The following MGAT5B variants were observed in gnomAD, a reference collection of about 807,000 sequenced individuals.
MGAT5B encodes N-acetylglucosaminyl-transferase Vb.
Under a neutral mutation model 95.1 loss-of-function variants are expected in MGAT5B, and 54 were observed. The ratio of observed to expected loss-of-function variants is 0.57; its 90% CI spans 0.46 to 0.71. The LOEUF is 0.71. Among genes scored for constraint, MGAT5B ranks in the 30% least tolerant of loss-of-function variants. The pLI, the probability that MGAT5B is intolerant of heterozygous loss-of-function variation, is 0.00. For synonymous variants in MGAT5B, 464 were observed against 451.0 expected (o/e 1.03, Z -0.36); for missense variants, 935 against 1,088.6 (o/e 0.86, Z 1.99).
At chr17:76,927,557 A>T (rs1470986880) in intron 10 of MGAT5B, among the ~76,000 whole-genome samples, 1 of 152,154 alleles carries the variant, frequency 6.6e-6, no homozygotes. Flanking sequence ...GTTTTTAATG[A>T]TACTCTAAAA....
At chr17:76,874,308 G>T (rs923137132) in intron 2 of MGAT5B, among the ~76,000 whole-genome samples, 1 of 152,074 alleles carries the variant, frequency 6.6e-6, no homozygotes, top group Non-Finnish European at 1.5e-5. Flanking sequence ...TGGATGTGTC[G>T]AGTCTGAAAT....
intron 9 of MGAT5B, among the ~76,000 whole-genome samples, chr17:76,925,703 A>G (rs1969291256): frequency 1.3e-5 from 2 of 152,106 alleles, no homozygotes; most frequent in Non-Finnish European, 2.9e-5. Flanking sequence ...TTCTCTATGC[A>G]CTCGGCTCTC....
chr17:76,901,597 G>A (rs2145183181), intron 3 of MGAT5B, among the ~76,000 whole-genome samples: 1 of 152,298 alleles, frequency 6.6e-6, no homozygotes, highest in Non-Finnish European at 1.5e-5. Context: ...AAAAATAAAA[G>A]CAACACTGGT....
intron 9 of MGAT5B, among the ~76,000 whole-genome samples, chr17:76,926,062 A>G (rs7213744): frequency 0.71 from 107,472 of 152,106 alleles, 38,740 homozygotes; most frequent in East Asian, 0.78. Flanking sequence ...GTCCAGCCCT[A>G]CTGGGACCAG....
At position 76,880,753 on chromosome 17, in the gene MGAT5B, G is replaced by A. The variant is rs982755316; in HGVS notation, c.182-1398G>A. Among the ~76,000 whole-genome samples the A allele has an allele frequency of 8.5e-5, 13 of 152,176 alleles. No individual in the cohort carries two copies. The South Asian group carries it at 1.7e-3, about 19-fold the overall frequency. On this transcript the variant is annotated intron_variant, in intron 2 of 17. Transcript: ENST00000569840. ...GGGGAGACTGCAGTGTGTTCTACAT[G>A]GTCTCAGGGCTCCCCAGCAGGGCTA...
At position 76,940,513 on chromosome 17, in the gene MGAT5B, C is replaced by G; in HGVS notation, c.1696C>G (p.His566Asp). Residue 566 changes from histidine to aspartate, a missense_variant, in exon 14 of 18, where the codon CAC becomes GAC. His to Asp is a moderately conservative substitution (Grantham distance 81). Coordinates refer to ENST00000569840, the MANE Select transcript of MGAT5B (RefSeq NM_001199172.2). This position sits in a 1 kb window ranked among gnomAD's most constrained non-coding sequence, Gnocchi z 4.3. ...CAGCCCGCCCCACAGCTCCCTCAAC[C>G]ACGAGTTCTTCCGAGGCAAGCCCAC... ...RFSPPHSSLN[H>D]EFFRGKPTSR... The G allele has an allele frequency of 6.2e-7, 1 of 1,613,646 alleles. No homozygotes were observed.
Position 76,948,632 on chromosome 17 carries a change from C to A in MGAT5B, c.2181-8C>A, listed in dbSNP as rs57502449. On this transcript the variant is annotated splice_region_variant and splice_polypyrimidine_tract_variant and intron_variant, in intron 17 of 17. Coordinates refer to ENST00000569840, the MANE Select transcript of MGAT5B (RefSeq NM_001199172.2). ...CGCTGAGTGACGGTGCTGTGTGGTC[C>A]CTGCCAGGCTGCAGGTGCCCTGTGA... is the stretch of plus-strand genomic sequence containing the variant. The A allele has an allele frequency of 5.0e-6, 8 of 1,607,598 alleles. No homozygotes were observed. The African/African-American group carries it at 9.3e-5, about 19-fold the overall frequency.
intron 2 of MGAT5B, among the ~76,000 whole-genome samples, chr17:76,874,372 T>C (rs79834392): frequency 1.3e-5 from 2 of 150,590 alleles, no homozygotes; most frequent in East Asian, 3.9e-4. Flanking sequence ...GGTGCTGGAG[T>C]GTCTGTGTGG....
At position 76,933,294 on chromosome 17, in the gene MGAT5B, C is replaced by G; in HGVS notation, c.1425C>G (p.Leu475=). The change falls in exon 12 of 18, where the codon CTC becomes CTG. Residue 475 remains leucine, a splice_region_variant and synonymous_variant. Coordinates refer to ENST00000569840, the MANE Select transcript of MGAT5B (RefSeq NM_001199172.2). ...TGCTCCCCCTGGCCACGAGGCAGCT[C>G]CAGGTATGGAAACCGCTTGCCGCCT... is the stretch of plus-strand genomic sequence containing the variant. The part of the protein sequence containing the change: ...VYGKEASIWK[L]QGKEKFLGIL... 1 of 1,598,336 alleles carries G rather than the reference C, an allele frequency of 6.3e-7. No homozygotes were observed. The highest frequency in any genetic ancestry group is 8.5e-7 in the Non-Finnish European group (1 of 1,179,752).
chr17:76,901,235 T>C (rs928303332), intron 3 of MGAT5B, among the ~76,000 whole-genome samples: 1 of 151,984 alleles, frequency 6.6e-6, no homozygotes, highest in Non-Finnish European at 1.5e-5. Context: ...GGAGGAGAGG[T>C]GGGGTTTGCA....
chr17:76,876,520 A>G (rs1249531132), intron 2 of MGAT5B, among the ~76,000 whole-genome samples: 3 of 152,094 alleles, frequency 2.0e-5, no homozygotes, highest in Non-Finnish European at 2.9e-5. Context: ...GGGAAAAACA[A>G]TCTCTCCTCC....
At position 76,902,711 on chromosome 17, in the gene MGAT5B, G is replaced by A. The variant is rs752136924; in HGVS notation, c.445+41G>A. On this transcript the variant is annotated intron_variant, in intron 4 of 17. Coordinates refer to ENST00000569840, the MANE Select transcript of MGAT5B (RefSeq NM_001199172.2). ...CGGGGGTACCCTCTACCCCTAGGGG[G>A]CCAATGAACTGGGTGCTGGGTGGGC... 8 of 1,158,446 alleles carry A rather than the reference G, an allele frequency of 6.9e-6. No individual in the cohort carries two copies. In the South Asian group the frequency reaches 1.0e-4, roughly 15 times the overall value. 71.8% of individuals were successfully genotyped at this position (1,158,446 alleles called of 1,614,324 possible). A position where few individuals can be genotyped will look rare whatever the true frequency, so the allele number is the denominator to read the frequency against.
Position 76,906,293 on chromosome 17 carries a change from G to C in MGAT5B, c.1025+106G>C. ...TGTGGGAGCACCTGCTCTGCCTGCA[G>C]GTCCCACGGCCCTGAGACCCTGGGA... On this transcript the variant is annotated intron_variant, in intron 8 of 17. Coordinates refer to ENST00000569840, the MANE Select transcript of MGAT5B (RefSeq NM_001199172.2). This position sits in a 1 kb window ranked among gnomAD's most constrained non-coding sequence, Gnocchi z 4.6. 2.6e-6 allele frequency: 3 copies of C among 1,141,356 alleles called. No individual in the cohort carries two copies. The highest frequency in any genetic ancestry group is 3.6e-6 in the Non-Finnish European group (3 of 826,738). 70.7% of individuals were successfully genotyped at this position (1,141,356 alleles called of 1,614,324 possible).
At position 76,897,705 on chromosome 17, in the gene MGAT5B, CTTTCTTTCTTTCTTTCTTTCTTTT is replaced by C. The variant is rs1205761682; in HGVS notation, c.330-4848_330-4825del. Among the ~76,000 whole-genome samples the C allele has an allele frequency of 2.7e-4, 26 of 96,192 alleles. 1 individual carries two copies. Among genetic ancestry groups the C allele is most frequent in the African/African-American group, 1.4e-3 (25 of 18,502 alleles). 63.1% of individuals were successfully genotyped at this position (96,192 alleles called of 152,430 possible). On this transcript the variant is annotated intron_variant, in intron 3 of 17. Coordinates refer to ENST00000569840, the MANE Select transcript of MGAT5B (RefSeq NM_001199172.2). ...TCTTTCTTTCTTTCTTTCTTTCTTT[CTTTCTTTCTTTCTTTCTTTCTTTT>C]TCTTTTTTTTTTTTTTTTTTGGTTT...
At position 76,869,506 on chromosome 17, in the gene MGAT5B, C is replaced by T. The variant is rs917328864; in HGVS notation, c.68+409C>T. Among the ~76,000 whole-genome samples, 1 of 152,150 alleles carries T rather than the reference C, an allele frequency of 6.6e-6. No individual in the cohort carries two copies. Among genetic ancestry groups the T allele is most frequent in the Non-Finnish European group, 1.5e-5 (1 of 68,018 alleles). On this transcript the variant is annotated intron_variant, in intron 1 of 17. Transcript: ENST00000569840. This position sits in a 1 kb window ranked among gnomAD's most constrained non-coding sequence, Gnocchi z 7.0. Reference sequence around the variant, plus strand: ...GTGCGGCGCCTTGGAGCTCCCCCTCCGGTCCCTCCCGTCCCGCCCGTCTGC... The same window carrying T: ...GTGCGGCGCCTTGGAGCTCCCCCTCTGGTCCCTCCCGTCCCGCCCGTCTGC...
At position 76,946,176 on chromosome 17, in the gene MGAT5B, CCCGGAGGGCTA is replaced by C. The variant is rs1970022641; in HGVS notation, c.1849-198_1849-188del. 9.7e-6 allele frequency: 5 copies of C among 513,792 alleles called. No homozygotes were observed. The South Asian group carries it at 1.3e-4, about 14-fold the overall frequency. 31.8% of individuals were successfully genotyped at this position (513,792 alleles called of 1,614,324 possible). On this transcript the variant is annotated intron_variant, in intron 15 of 17. Transcript: ENST00000569840. ...GGCCTTGTGGGTCCTGAGCCTGAGT[CCCGGAGGGCTA>C]CTGGAGGGTGTGCGGGGAACGGGGA...
rs1401452390 is a variant in MGAT5B, at chr17:76,917,008, C to G, written c.1026-7958C>G. Among the ~76,000 whole-genome samples, 1 of 152,112 alleles carries G rather than the reference C, an allele frequency of 6.6e-6. No homozygotes were observed. Among genetic ancestry groups the G allele is most frequent in the Admixed American group, 6.5e-5 (1 of 15,274 alleles). ...CAGAAGCACAGGGTGGTACGAATAA[C>G]CCCCTAGCACTCTTCCCGACTACGC... On this transcript the variant is annotated intron_variant, in intron 8 of 17. Transcript: ENST00000569840. This position sits in a 1 kb window ranked among gnomAD's most constrained non-coding sequence, Gnocchi z 6.1.
chr17:76,948,923 G>T lies in MGAT5B; in HGVS notation c.*85G>T. The stretch of plus-strand genomic sequence containing the variant: ...CACCAGCAGGTTCTGAGCCCTGGCT[G>T]CTTGTCCTCCTCGCAACCCCCCCAG... On this transcript the variant is annotated 3_prime_UTR_variant, in exon 18 of 18. Transcript: ENST00000569840. 7.1e-7 allele frequency: 1 copy of T among 1,407,042 alleles called. No individual in the cohort carries two copies. Among genetic ancestry groups the T allele is most frequent in the Non-Finnish European group, 9.5e-7 (1 of 1,048,518 alleles). 87.2% of individuals were successfully genotyped at this position (1,407,042 alleles called of 1,614,324 possible). A position where few individuals can be genotyped will look rare whatever the true frequency, so the allele number is the denominator to read the frequency against.
rs180675110 is a variant in MGAT5B, at chr17:76,931,042, G to A, written c.1292-1603G>A. Among the ~76,000 whole-genome samples the A allele has an allele frequency of 2.5e-3, 374 of 152,320 alleles. 3 individuals are homozygous for A. Among genetic ancestry groups the A allele is most frequent in the South Asian group, 0.024 (118 of 4,828 alleles). On this transcript the variant is annotated intron_variant, in intron 10 of 17. Coordinates refer to ENST00000569840, the MANE Select transcript of MGAT5B (RefSeq NM_001199172.2). ...CCAGGCTCTGTTTCAGGTGCTGGTGGCACAGAAGTGAACAAAACAGAACCA... is the reference window on the plus strand; with the variant it reads ...CCAGGCTCTGTTTCAGGTGCTGGTGACACAGAAGTGAACAAAACAGAACCA...
Sources: gnomAD v4.1 joint callset for allele counts (sites outside exome capture counted in the v4.1 genomes callset) on GRCh38, gnomAD v4.1.1 for gene constraint, Gnocchi (gnomAD v3.1) non-coding constraint, MANE v1.5 for transcripts, NCBI Gene and HGNC (gene_info 2026-07-23, HGNC 2026-07-21) for gene names.